CACNG5: variants seen among roughly 807,000 people sequenced by gnomAD.
CACNG5 encodes calcium voltage-gated channel auxiliary subunit gamma 5, also known as voltage-dependent calcium channel gamma-5 subunit.
A neutral mutation model predicts 24.8 loss-of-function variants in CACNG5; 18 were observed. The ratio of observed to expected loss-of-function variants is 0.73; its 90% CI spans 0.50 to 1.08. The LOEUF (loss-of-function observed/expected upper bound fraction) is 1.08, where lower values mean the gene tolerates loss of function less well. Ranked by LOEUF, CACNG5 falls within the 50% of genes least tolerant of loss-of-function variation. CACNG5 has a pLI of 0.00. For synonymous variants in CACNG5, 157 were observed against 149.1 expected (o/e 1.05, Z -0.39); for missense variants, 349 against 367.9 (o/e 0.95, Z 0.42).
intron 1 of CACNG5, among the ~76,000 whole-genome samples, chr17:66,850,466 G>T (rs1230166687): frequency 1.3e-5 from 2 of 152,188 alleles, no homozygotes; most frequent in African/African-American, 4.8e-5. Flanking sequence ...AGGGAGAGGG[G>T]AGGAAATTCA....
intron 1 of CACNG5, among the ~76,000 whole-genome samples, chr17:66,845,421 G>A (rs1976624467): frequency 6.6e-6 from 1 of 150,490 alleles, no homozygotes; most frequent in South Asian, 2.1e-4. Flanking sequence ...TAACAAACCT[G>A]CACATTCTGC....
At chr17:66,879,176 T>C in intron 3 of CACNG5, 118 bp downstream of exon 3, 1 of 661,554 alleles carries the variant, frequency 1.5e-6, no homozygotes, top group South Asian at 2.0e-5. Flanking sequence ...CTCAGCTGGG[T>C]GTGCTGTCCT....
Position 66,885,634 on chromosome 17 carries a change from C to G in CACNG5, c.*394C>G. 1 of 208,388 alleles carries G rather than the reference C, an allele frequency of 4.8e-6. No homozygotes were observed. Among genetic ancestry groups the G allele is most frequent in the Non-Finnish European group, 9.6e-6 (1 of 104,614 alleles). 12.9% of individuals were successfully genotyped at this position (208,388 alleles called of 1,614,324 possible). ...GCTCTGAGATGCCAAGCTCCTTACA[C>G]AGATGCAGCTGGACTCGTGCACTTG... is the stretch of plus-strand genomic sequence containing the variant. On this transcript the variant is annotated 3_prime_UTR_variant, in exon 6 of 6. Transcript: ENST00000533854.
At chr17:66,883,071 A>G (rs778881935) in intron 4 of CACNG5, among the ~76,000 whole-genome samples, 1 of 152,114 alleles carries the variant, frequency 6.6e-6, no homozygotes, top group Non-Finnish European at 1.5e-5. Context: ...CCATTCTTCC[A>G]TCTATCAACC....
At chr17:66,844,830 C>T (rs1976614952) in intron 1 of CACNG5, among the ~76,000 whole-genome samples, 1 of 152,196 alleles carries the variant, frequency 6.6e-6, no homozygotes, top group African/African-American at 2.4e-5. Context: ...TCACCAAGCT[C>T]ATAGGTCCAG....
At chr17:66,857,971 T>C (rs1385488298) in intron 1 of CACNG5, among the ~76,000 whole-genome samples, 1 of 152,178 alleles carries the variant, frequency 6.6e-6, no homozygotes, top group Non-Finnish European at 1.5e-5. Context: ...ACCATTGATA[T>C]ATGGGTTTGG....
At chr17:66,880,511 A>T (rs372144573) in intron 3 of CACNG5, 46 bp from the exon 4 acceptor site, 3 of 1,612,510 alleles carry the variant, frequency 1.9e-6, no homozygotes, top group Non-Finnish European at 2.5e-6. Context: ...TGAGGAATGA[A>T]TCAGGCCTGG....
intron 1 of CACNG5, among the ~76,000 whole-genome samples, chr17:66,873,551 C>T (rs1977039233): frequency 6.6e-6 from 1 of 152,190 alleles, no homozygotes; most frequent in African/African-American, 2.4e-5. Flanking sequence ...GGCTGCTCAG[C>T]TTCGACCAGG....
At position 66,886,598 on chromosome 17, in the gene CACNG5, G is replaced by T. The variant is rs557575430; in HGVS notation, c.*1358G>T. Among the ~76,000 whole-genome samples the T allele has an allele frequency of 6.6e-6, 1 of 152,260 alleles. No homozygotes were observed. Among genetic ancestry groups the T allele is most frequent in the African/African-American group, 2.4e-5 (1 of 41,564 alleles). On this transcript the variant is annotated 3_prime_UTR_variant, in exon 6 of 6. Transcript: ENST00000533854. Reference sequence around the variant, plus strand: ...AAGCAATGCTGTGTGTCGCTGCTGTGCCCGCTCTCTCCTTGCCCTCTTTAA... The same window carrying T: ...AAGCAATGCTGTGTGTCGCTGCTGTTCCCGCTCTCTCCTTGCCCTCTTTAA...
At position 66,885,509 on chromosome 17, in the gene CACNG5, T is replaced by A; in HGVS notation, c.*269T>A. ...TGTGAGTGCCAATCACAGCAGTGGC[T>A]CCAGGAAGCCAGCAGCTCCCCCCAA... On this transcript the variant is annotated 3_prime_UTR_variant, in exon 6 of 6. Coordinates refer to ENST00000533854, the MANE Select transcript of CACNG5 (RefSeq NM_145811.3). The A allele has an allele frequency of 2.2e-6, 1 of 446,526 alleles. No homozygotes were observed. The allele number at this position is 446,526 out of a possible 1,614,324, so 27.7% of individuals were successfully genotyped here.
rs1977279387 is a variant in CACNG5, at chr17:66,887,493, C to A, written c.*2253C>A. ...TACAGAATAATACCAAAACCATGTT[C>A]TCCTCACCGCAAAGTAAAGGAATCA... On this transcript the variant is annotated 3_prime_UTR_variant, in exon 6 of 6. Transcript: ENST00000533854. 6.6e-6 allele frequency among the ~76,000 whole-genome samples: 1 copy of A among 152,174 alleles called. No homozygotes were observed. Among genetic ancestry groups the A allele is most frequent in the Non-Finnish European group, 1.5e-5 (1 of 68,028 alleles).
chr17:66,860,378 T>C (rs1976837431), intron 1 of CACNG5, among the ~76,000 whole-genome samples: 1 of 152,090 alleles, frequency 6.6e-6, no homozygotes, highest in Admixed American at 6.5e-5. Flanking sequence ...GATAAAATCT[T>C]GAAAGCTCGG....
At chr17:66,865,267 T>C (rs767605048) in intron 1 of CACNG5, among the ~76,000 whole-genome samples, 1 of 128,640 alleles carries the variant, frequency 7.8e-6, no homozygotes, top group Non-Finnish European at 1.7e-5. Context: ...ACTATTTTTA[T>C]GTTTTTTTTT....
rs1977338517 is a variant in CACNG5, at chr17:66,891,169, A to G, written c.*5929A>G. 6.6e-6 allele frequency among the ~76,000 whole-genome samples: 1 copy of G among 152,186 alleles called. No individual in the cohort carries two copies. Among genetic ancestry groups the G allele is most frequent in the African/African-American group, 2.4e-5 (1 of 41,450 alleles). On this transcript the variant is annotated 3_prime_UTR_variant, in exon 6 of 6. Coordinates refer to ENST00000533854, the MANE Select transcript of CACNG5 (RefSeq NM_145811.3). Reference sequence around the variant, plus strand: ...TATGTTTTTCTAAGGAATAAAGACAACTTTCCCAGAAGCAACCCCAGCAGA... The same window carrying G: ...TATGTTTTTCTAAGGAATAAAGACAGCTTTCCCAGAAGCAACCCCAGCAGA...
At position 66,880,715 on chromosome 17, in the gene CACNG5, C is replaced by A. The variant is rs753342483; in HGVS notation, c.424+18C>A. On this transcript the variant is annotated intron_variant, in intron 4 of 5. Coordinates refer to ENST00000533854, the MANE Select transcript of CACNG5 (RefSeq NM_145811.3). ...CCTCTCAGGTAAGTTGTGTTGTTTT[C>A]TTTTCTTGCACCCTGGAATTTTTTG... 1 of 1,611,158 alleles carries A rather than the reference C, an allele frequency of 6.2e-7. No individual in the cohort carries two copies. Among genetic ancestry groups the A allele is most frequent in the South Asian group, 1.1e-5 (1 of 90,454 alleles).
chr17:66,850,599 T>TATACACAC (rs150985584), intron 1 of CACNG5, among the ~76,000 whole-genome samples: 7 of 142,318 alleles, frequency 4.9e-5, no homozygotes, highest in African/African-American at 1.1e-4. Context: ...CACAAATACA[T>TATACACAC]ACACACACAC....
At chr17:66,860,810 C>T (rs141123205) in intron 1 of CACNG5, among the ~76,000 whole-genome samples, 126 of 152,104 alleles carry the variant, frequency 8.3e-4, no homozygotes, top group African/African-American at 2.7e-3. Context: ...TGCAGCCCAA[C>T]ACAAATACGT....
chr17:66,892,706 C>T lies in CACNG5; in HGVS notation c.*7466C>T, dbSNP rs890362457. On this transcript the variant is annotated 3_prime_UTR_variant, in exon 6 of 6. Transcript: ENST00000533854. ...GATACAACAATGTGTGTGAAAACACCGTGTAAACTGTAAAGTCCTCTTTGG... is the reference window on the plus strand; with the variant it reads ...GATACAACAATGTGTGTGAAAACACTGTGTAAACTGTAAAGTCCTCTTTGG... Among the ~76,000 whole-genome samples, 3 of 152,176 alleles carry T rather than the reference C, an allele frequency of 2.0e-5. No homozygotes were observed. Among genetic ancestry groups the T allele is most frequent in the Non-Finnish European group, 4.4e-5 (3 of 68,036 alleles).
At chr17:66,866,398 G>C (rs1375953550) in intron 1 of CACNG5, among the ~76,000 whole-genome samples, 2 of 152,022 alleles carry the variant, frequency 1.3e-5, no homozygotes, top group Non-Finnish European at 2.9e-5. Context: ...GTCTCCCAAA[G>C]CACTGGGATT....
Sources: gnomAD v4.1 joint callset for allele counts (sites outside exome capture counted in the v4.1 genomes callset) on GRCh38, gnomAD v4.1.1 for gene constraint, MANE v1.5 for transcripts, NCBI Gene and HGNC (gene_info 2026-07-23, HGNC 2026-07-21) for gene names.